Variants in KCNQ5 observed in about 807,000 individuals in gnomAD.
The protein encoded by KCNQ5 is potassium voltage-gated channel subfamily Q member 5, also known as potassium voltage-gated channel subfamily KQT member 5.
KCNQ5 carries 30 observed loss-of-function variants against 98.2 expected under a neutral mutation model. The ratio of observed to expected loss-of-function variants is 0.31; its 90% CI spans 0.23 to 0.41. The LOEUF (loss-of-function observed/expected upper bound fraction) is 0.41, where lower values mean the gene tolerates loss of function less well. KCNQ5 is among the 10% of genes least tolerant of loss of function. The probability of loss-of-function intolerance (pLI) is 1.00; values close to 1 mark genes in which losing one functional copy is unlikely to be tolerated. For missense variants in KCNQ5, 835 were observed against 1,182.5 expected, an observed-to-expected ratio of 0.71 and a Z score of 4.31; for synonymous variants, 458 against 449.4, an observed-to-expected ratio of 1.02 and a Z score of -0.24.
chr6:72,670,589 AGTAACTTAAAC>A (rs1565070667), intron 1 of KCNQ5, among the ~76,000 whole-genome samples: 2 of 152,220 alleles, frequency 1.3e-5, no homozygotes, highest in African/African-American at 4.8e-5. Context: ...CAACAGAATA[AGTAACTTAAAC>A]GACATGAATT....
chr6:72,910,538 C>A (rs531276603), intron 1 of KCNQ5, among the ~76,000 whole-genome samples: 1 of 149,750 alleles, frequency 6.7e-6, no homozygotes, highest in Admixed American at 6.7e-5. Flanking sequence ...ATTATAGTAA[C>A]TCTTATAGAA....
At chr6:72,837,357 A>G (rs1189127006) in intron 1 of KCNQ5, among the ~76,000 whole-genome samples, 1 of 152,184 alleles carries the variant, frequency 6.6e-6, no homozygotes, top group Admixed American at 6.5e-5. Flanking sequence ...TGAAGAAACT[A>G]TTATTTGGAA....
intron 1 of KCNQ5, among the ~76,000 whole-genome samples, chr6:72,782,528 G>C (rs533947036): frequency 5.3e-5 from 8 of 152,248 alleles, no homozygotes; most frequent in Admixed American, 4.6e-4. Flanking sequence ...AAGTGTTTGT[G>C]GTTGTTGTTT....
In KCNQ5 at chr6:72,714,768, G is replaced by T. The variant is rs565594008; in HGVS notation, c.398+92181G>T. Among the ~76,000 whole-genome samples the T allele has an allele frequency of 2.0e-5, 3 of 152,246 alleles. No individual in the cohort carries two copies. In the East Asian group the frequency reaches 5.8e-4, roughly 29 times the overall value. On this transcript the variant is annotated intron_variant, in intron 1 of 13. Coordinates refer to ENST00000370398, the MANE Select transcript of KCNQ5 (RefSeq NM_019842.4). ...TCTAAATGATAACTGCTAATGTCAA[G>T]GCAGTTCAAAAATAGCAAAAACTTG...
intron 1 of KCNQ5, among the ~76,000 whole-genome samples, chr6:72,627,991 G>T (rs1368355594): frequency 6.6e-6 from 1 of 152,134 alleles, no homozygotes; most frequent in East Asian, 1.9e-4. Context: ...TTATAATGGT[G>T]CTTCCCCCAT....
At chr6:73,134,206 C>A in intron 10 of KCNQ5, 1 of 245,440 alleles carries the variant, frequency 4.1e-6, no homozygotes, top group Non-Finnish European at 8.3e-6. Context: ...GTTCTTCTCC[C>A]AAGAGGAATT....
chr6:72,830,551 A>G (rs1418696208), intron 1 of KCNQ5, among the ~76,000 whole-genome samples: 2 of 152,152 alleles, frequency 1.3e-5, no homozygotes, highest in Admixed American at 6.5e-5. Flanking sequence ...CTGAAACTGG[A>G]TCCCTTCCTT....
At chr6:73,051,840 C>G (rs574656169) in intron 3 of KCNQ5, among the ~76,000 whole-genome samples, 2 of 152,086 alleles carry the variant, frequency 1.3e-5, no homozygotes, top group East Asian at 3.9e-4. Flanking sequence ...AGTCAGAGTA[C>G]TTTCTTACCT....
At position 73,195,209 on chromosome 6, in the gene KCNQ5, G is replaced by A. The variant is rs1178111863; in HGVS notation, c.2594G>A (p.Arg865Lys). 1.2e-6 allele frequency: 2 copies of A among 1,614,172 alleles called. No individual in the cohort carries two copies. Among genetic ancestry groups the A allele is most frequent in the South Asian group, 2.2e-5 (2 of 91,072 alleles). ...RGSQDFYPKW[R>K]ESKLFITDEE... ...AGCCAAGATTTTTACCCCAAATGGA[G>A]GGAATCCAAATTGTTTATAACTGAT... The change falls in exon 14 of 14, where the codon AGG (arginine) becomes AAG (lysine). Residue 865 changes from arginine (R) to lysine (K), a missense_variant. Arg to Lys is a conservative substitution (Grantham distance 26). This residue lies in a region of KCNQ5 where 416 missense variants were observed against 446.9 expected (regional missense o/e 0.93). Transcript: ENST00000370398.
At chr6:72,996,383 A>G (rs1204868014) in intron 1 of KCNQ5, among the ~76,000 whole-genome samples, 1 of 152,220 alleles carries the variant, frequency 6.6e-6, no homozygotes, top group African/African-American at 2.4e-5. Flanking sequence ...TTTTTCTTGC[A>G]ATAAAATCCT....
chr6:72,881,424 G>A (rs1778630710), intron 1 of KCNQ5, among the ~76,000 whole-genome samples: 1 of 151,996 alleles, frequency 6.6e-6, no homozygotes, highest in Non-Finnish European at 1.5e-5. Flanking sequence ...ATTTTCTCTG[G>A]AGTTTTTTAA....
At chr6:72,894,220 G>A (rs187579775) in intron 1 of KCNQ5, among the ~76,000 whole-genome samples, 88 of 152,096 alleles carry the variant, frequency 5.8e-4, no homozygotes, top group South Asian at 3.3e-3. Flanking sequence ...TACCTTTAAC[G>A]TTTCCTGGGA....
rs1435049250 is a variant in KCNQ5, at chr6:73,055,200, A to G, written c.616+13138A>G. On this transcript the variant is annotated intron_variant, in intron 3 of 13. Transcript: ENST00000370398. ...GACGCCATCCTGAGCCCAGCGGGCC[A>G]TGAGGCGGCAAAGCAGGCACGGCGA... The G allele has an allele frequency of 6.0e-6, 6 of 1,004,430 alleles. No individual in the cohort carries two copies. The African/African-American group carries it at 9.5e-5, about 16-fold the overall frequency. 62.2% of individuals were successfully genotyped at this position (1,004,430 alleles called of 1,614,324 possible).
At chr6:72,968,971 C>T (rs76309870) in intron 1 of KCNQ5, among the ~76,000 whole-genome samples, 3,707 of 151,314 alleles carry the variant, frequency 0.024, 60 homozygotes, top group Non-Finnish European at 0.038. Flanking sequence ...TGACTTTATA[C>T]CTGAAACTAA....
At chr6:72,751,470 T>C (rs1771680932) in intron 1 of KCNQ5, among the ~76,000 whole-genome samples, 1 of 152,060 alleles carries the variant, frequency 6.6e-6, no homozygotes. Flanking sequence ...AAACTCATGT[T>C]CATTATTAAA....
At position 73,058,160 on chromosome 6, in the gene KCNQ5, T is replaced by C. The variant is rs538947666; in HGVS notation, c.616+16098T>C. Among the ~76,000 whole-genome samples, 3 of 152,180 alleles carry C rather than the reference T, an allele frequency of 2.0e-5. No individual in the cohort carries two copies. In the East Asian group the frequency reaches 5.8e-4, roughly 29 times the overall value. On this transcript the variant is annotated intron_variant, in intron 3 of 13. Transcript: ENST00000370398. Reference sequence around the variant, plus strand: ...GGGCACGGTGGCTCACGCCTGTAATTCCAGCACTTTGGGAGGCCGAGGCAG... The same window carrying C: ...GGGCACGGTGGCTCACGCCTGTAATCCCAGCACTTTGGGAGGCCGAGGCAG...
chr6:73,118,616 C>T (rs1775607186), intron 7 of KCNQ5, among the ~76,000 whole-genome samples: 2 of 152,174 alleles, frequency 1.3e-5, no homozygotes, highest in South Asian at 4.1e-4. Flanking sequence ...ATTTAGCATA[C>T]ATTTATTCAA....
chr6:73,148,557 T>G (rs1392100126), intron 10 of KCNQ5, among the ~76,000 whole-genome samples: 1 of 152,252 alleles, frequency 6.6e-6, no homozygotes, highest in Non-Finnish European at 1.5e-5. Flanking sequence ...TTATTTTGAT[T>G]GAATCTCCCA....
At chr6:72,972,112 C>T (rs991534345) in intron 1 of KCNQ5, among the ~76,000 whole-genome samples, 2 of 152,096 alleles carry the variant, frequency 1.3e-5, no homozygotes, top group South Asian at 2.1e-4. Flanking sequence ...TTCTAGCTAC[C>T]GGTAAAGAAA....
Sources: gnomAD v4.1 joint callset for allele counts (sites outside exome capture counted in the v4.1 genomes callset) on GRCh38, gnomAD v4.1.1 for gene constraint, gnomAD v4.1.1 regional missense constraint, MANE v1.5 for transcripts, NCBI Gene and HGNC (gene_info 2026-07-23, HGNC 2026-07-21) for gene names.